Variants in RORA observed in about 807,000 individuals in gnomAD.
RORA encodes RAR related orphan receptor A.
Under a neutral mutation model 69.5 loss-of-function variants are expected in RORA, and 7 were observed. That is an observed-to-expected ratio of 0.10 (90% CI 0.06 to 0.19). The LOEUF is 0.19. Among genes scored for constraint, RORA ranks in the 10% least tolerant of loss-of-function variants. RORA has a pLI of 1.00. For synonymous variants in RORA, 261 were observed against 240.8 expected, an observed-to-expected ratio of 1.08 and a Z score of -0.78; for missense variants, 457 against 663.0, an observed-to-expected ratio of 0.69 and a Z score of 3.41.
At position 60,531,704 on chromosome 15, in the gene RORA, C is replaced by T; in HGVS notation, c.282+62G>A. 1.1e-6 allele frequency: 1 copy of T among 908,800 alleles called. No homozygotes were observed. 56.3% of individuals were successfully genotyped at this position (908,800 alleles called of 1,614,324 possible). Reference sequence around the variant, plus strand: ...ATTTTAAGACATAAGTGGAGACATACAAATCACAAAGATATATTCTAACAA... The same window carrying T: ...ATTTTAAGACATAAGTGGAGACATATAAATCACAAAGATATATTCTAACAA... On this transcript the variant is annotated intron_variant, in intron 3 of 10. Transcript: ENST00000335670. The surrounding 1 kb of genome is among the most constrained non-coding windows in gnomAD (Gnocchi z 4.8).
chr15:60,515,783 C>A (rs1319917095), intron 3 of RORA, among the ~76,000 whole-genome samples: 1 of 146,754 alleles, frequency 6.8e-6, no homozygotes, highest in Non-Finnish European at 1.5e-5. Flanking sequence ...GCTCTGTCAC[C>A]CAGGCCAGAC....
At chr15:61,020,712 T>C (rs1895481371) in intron 1 of RORA, among the ~76,000 whole-genome samples, 1 of 152,172 alleles carries the variant, frequency 6.6e-6, no homozygotes, top group Admixed American at 6.5e-5. Context: ...TCTGCTCTAA[T>C]CCATCATTGA....
intron 2 of RORA, among the ~76,000 whole-genome samples, chr15:60,559,160 A>G (rs1339026904): frequency 3.3e-5 from 5 of 152,178 alleles, no homozygotes; most frequent in Non-Finnish European, 7.3e-5. Flanking sequence ...TCTCGAAAAA[A>G]TTTATTAGAC....
At position 61,229,102 on chromosome 15, in the gene RORA, G is replaced by A. The variant is rs1426933933; in HGVS notation, c.117C>T (p.Ser39=). 6.5e-7 allele frequency: 1 copy of A among 1,539,726 alleles called. No individual in the cohort carries two copies. The highest frequency in any genetic ancestry group is 8.7e-7 in the Non-Finnish European group (1 of 1,143,410). ...TPLNQESARK[S]EPPAPVRRQS... is the part of the protein sequence containing the mutation. ...GTCTGCGCACCGGGGCAGGCGGCTC[G>A]CTCTTGCGGGCGGATTCCTGGTTCA... The change falls in exon 1 of 11, where the codon AGC becomes AGT. Residue 39 remains serine, a synonymous_variant. Coordinates refer to ENST00000335670, the MANE Select transcript of RORA (RefSeq NM_134261.3).
chr15:61,127,820 G>T (rs1474351467), intron 1 of RORA, among the ~76,000 whole-genome samples: 1 of 152,142 alleles, frequency 6.6e-6, no homozygotes, highest in African/African-American at 2.4e-5. Flanking sequence ...CACCCGTCCA[G>T]TTCTCCGGTG....
In RORA at chr15:61,219,568, C is replaced by A. The variant is rs541205700; in HGVS notation, c.166+9485G>T. On this transcript the variant is annotated intron_variant, in intron 1 of 10. Coordinates refer to ENST00000335670, the MANE Select transcript of RORA (RefSeq NM_134261.3). ...CCAGCCTGGGCGACAGAGCAAGACT[C>A]CGTCTCAAAATTTAAAAAAAAAAAA... Among the ~76,000 whole-genome samples, 38 of 150,210 alleles carry A rather than the reference C, an allele frequency of 2.5e-4. No individual in the cohort carries two copies. The East Asian group carries it at 4.3e-3, about 17-fold the overall frequency.
intron 5 of RORA, among the ~76,000 whole-genome samples, chr15:60,509,096 T>C (rs1331551909): frequency 6.6e-6 from 1 of 152,214 alleles, no homozygotes; most frequent in East Asian, 1.9e-4. Flanking sequence ...AAGTCAAGAG[T>C]CTTAGTTAAA....
chr15:60,657,470 T>A (rs1241788305), intron 2 of RORA, among the ~76,000 whole-genome samples: 3 of 152,168 alleles, frequency 2.0e-5, no homozygotes, highest in African/African-American at 7.2e-5. Context: ...CCTGGAGGAC[T>A]AAAGGAGTTA....
intron 1 of RORA, among the ~76,000 whole-genome samples, chr15:61,110,929 C>A (rs2079001128): frequency 6.6e-6 from 1 of 152,222 alleles, no homozygotes; most frequent in African/African-American, 2.4e-5. Flanking sequence ...CTGTCAGCTA[C>A]ATGTGTGGAG....
At chr15:61,134,154 C>G (rs919759924) in intron 1 of RORA, among the ~76,000 whole-genome samples, 4 of 152,132 alleles carry the variant, frequency 2.6e-5, no homozygotes, top group Admixed American at 6.6e-5. Context: ...ATTTATGGCT[C>G]AATGAAACTT....
intron 1 of RORA, among the ~76,000 whole-genome samples, chr15:60,806,223 A>C (rs2140362326): frequency 6.6e-6 from 1 of 152,374 alleles, no homozygotes. Flanking sequence ...GATTAAAAAA[A>C]CAAAAACAAA....
intron 1 of RORA, among the ~76,000 whole-genome samples, chr15:61,142,461 T>C (rs1052828851): frequency 3.3e-5 from 5 of 152,372 alleles, no homozygotes; most frequent in African/African-American, 7.2e-5. Context: ...CTGGTTCCCA[T>C]TAAAATATTT....
intron 1 of RORA, among the ~76,000 whole-genome samples, chr15:61,171,161 G>A (rs2140893483): frequency 6.6e-6 from 1 of 152,288 alleles, no homozygotes; most frequent in Admixed American, 6.5e-5. Context: ...CACCAGACCT[G>A]CCCCACGGGC....
intron 1 of RORA, among the ~76,000 whole-genome samples, chr15:61,160,462 G>A (rs2079484891): frequency 6.6e-6 from 1 of 150,978 alleles, no homozygotes; most frequent in Non-Finnish European, 1.5e-5. Context: ...TTAATATTCA[G>A]TAAATATGTT....
intron 3 of RORA, among the ~76,000 whole-genome samples, chr15:60,525,502 G>A (rs1333538488): frequency 1.3e-5 from 2 of 152,192 alleles, no homozygotes; most frequent in Non-Finnish European, 2.9e-5. Flanking sequence ...ATACACATAT[G>A]TCTTAATTAG....
At chr15:60,560,053 A>G (rs1236508612) in intron 2 of RORA, among the ~76,000 whole-genome samples, 2 of 151,946 alleles carry the variant, frequency 1.3e-5, no homozygotes, top group Middle Eastern at 3.2e-3. Flanking sequence ...GATGATTTCA[A>G]CCAATCATTG....
At chr15:60,717,296 A>G (rs1478080327) in intron 1 of RORA, among the ~76,000 whole-genome samples, 1 of 152,190 alleles carries the variant, frequency 6.6e-6, no homozygotes, top group African/African-American at 2.4e-5. Flanking sequence ...CAAAGTGGAA[A>G]TCCACCCCTG....
chr15:60,807,549 A>T (rs2072677299), intron 1 of RORA, among the ~76,000 whole-genome samples: 1 of 152,296 alleles, frequency 6.6e-6, no homozygotes, highest in Admixed American at 6.5e-5. Context: ...TATCACCATC[A>T]TTCTTCACAG....
intron 2 of RORA, among the ~76,000 whole-genome samples, chr15:60,676,275 A>G (rs2140744830): frequency 6.6e-6 from 1 of 152,336 alleles, no homozygotes; most frequent in African/African-American, 2.4e-5. Flanking sequence ...GATCAGAAAT[A>G]CGATGGGCTG....
Sources: gnomAD v4.1 joint callset for allele counts (sites outside exome capture counted in the v4.1 genomes callset) on GRCh38, gnomAD v4.1.1 for gene constraint, Gnocchi (gnomAD v3.1) non-coding constraint, MANE v1.5 for transcripts, NCBI Gene and HGNC (gene_info 2026-07-23, HGNC 2026-07-21) for gene names.